PDE4D: variants seen among roughly 807,000 people sequenced by gnomAD.
PDE4D encodes 3',5'-cyclic-AMP phosphodiesterase 4D.
PDE4D carries 24 observed loss-of-function variants against 87.4 expected under a neutral mutation model. The observed-to-expected ratio is 0.27, with a 90% confidence interval of 0.20 to 0.39. The LOEUF is 0.39. Ranked by LOEUF, PDE4D falls within the 10% of genes least tolerant of loss-of-function variation. The pLI, the probability that PDE4D is intolerant of heterozygous loss-of-function variation, is 1.00. For missense variants in PDE4D, 714 were observed against 1,041.0 expected, an observed-to-expected ratio of 0.69 and a Z score of 4.32; for synonymous variants, 384 against 383.2, an observed-to-expected ratio of 1.00 and a Z score of -0.02.
chr5:60,140,675 T>C (rs1233041035), intron 2 of PDE4D, among the ~76,000 whole-genome samples: 3 of 151,958 alleles, frequency 2.0e-5, no homozygotes, highest in Admixed American at 6.6e-5. Context: ...TAACGCATCA[T>C]GAAATTCCAT....
chr5:60,146,121 T>C (rs1307604750), intron 2 of PDE4D, among the ~76,000 whole-genome samples: 1 of 152,066 alleles, frequency 6.6e-6, no homozygotes, highest in Non-Finnish European at 1.5e-5. Context: ...GGCTGAGACA[T>C]GAGAATCGCT....
intron 1 of PDE4D, among the ~76,000 whole-genome samples, chr5:60,296,334 C>G (rs905178236): frequency 2.6e-5 from 4 of 152,124 alleles, no homozygotes; most frequent in Non-Finnish European, 5.9e-5. Flanking sequence ...AGAGATGGCA[C>G]AGAATGACAG....
chr5:59,674,325 C>A (rs1489651092), intron 1 of PDE4D, among the ~76,000 whole-genome samples: 1 of 152,158 alleles, frequency 6.6e-6, no homozygotes, highest in East Asian at 1.9e-4. Context: ...TCTATGAAGA[C>A]AAGGACCATG....
chr5:60,343,653 G>A (rs1451067450), intron 1 of PDE4D, among the ~76,000 whole-genome samples: 1 of 151,812 alleles, frequency 6.6e-6, no homozygotes. Context: ...GGCTGTGTTT[G>A]GCTACAAGAC....
intron 3 of PDE4D, among the ~76,000 whole-genome samples, chr5:59,927,624 C>T (rs1187874589): frequency 1.3e-5 from 2 of 152,142 alleles, no homozygotes; most frequent in Non-Finnish European, 2.9e-5. Context: ...GATTCAAGTG[C>T]TGCTTTCTGA....
At chr5:60,197,160 A>G (rs1291268705) in intron 1 of PDE4D, among the ~76,000 whole-genome samples, 2 of 151,428 alleles carry the variant, frequency 1.3e-5, no homozygotes, top group African/African-American at 4.8e-5. Context: ...GAGAGAAGGA[A>G]AGGTGAGAGT....
chr5:59,411,931 CTT>C (rs1333353511), intron 1 of PDE4D, among the ~76,000 whole-genome samples: 1 of 152,198 alleles, frequency 6.6e-6, no homozygotes, highest in East Asian at 1.9e-4. Context: ...AAATAGCACT[CTT>C]TTCATTAATG....
chr5:59,426,285 C>T lies in PDE4D; in HGVS notation c.456-210317G>A, dbSNP rs535893342. On this transcript the variant is annotated intron_variant, in intron 1 of 14. Coordinates refer to ENST00000340635, the MANE Select transcript of PDE4D (RefSeq NM_001104631.2). Reference sequence around the variant, plus strand: ...TTATGACCGTCCTAACAAATTAATACACCATTTGAGTAAATTAATAGCTTG... The same window carrying T: ...TTATGACCGTCCTAACAAATTAATATACCATTTGAGTAAATTAATAGCTTG... 3.2e-4 allele frequency among the ~76,000 whole-genome samples: 49 copies of T among 152,316 alleles called. 1 individual carries two copies. The Middle Eastern group carries it at 0.034, about 106-fold the overall frequency.
At chr5:60,134,067 T>C (rs1044076816) in intron 2 of PDE4D, among the ~76,000 whole-genome samples, 2 of 152,250 alleles carry the variant, frequency 1.3e-5, no homozygotes, top group Admixed American at 6.5e-5. Context: ...ATATGTGATC[T>C]GCTGGATCTT....
chr5:59,312,214 C>T (rs372339431), intron 1 of PDE4D, among the ~76,000 whole-genome samples: 13 of 152,294 alleles, frequency 8.5e-5, no homozygotes, highest in East Asian at 5.8e-4. Context: ...TCAGATGACC[C>T]CAAAAGGCTC....
At chr5:59,441,342 C>T (rs28666954) in intron 1 of PDE4D, among the ~76,000 whole-genome samples, 40,936 of 152,118 alleles carry the variant, frequency 0.27, 9,096 homozygotes, top group African/African-American at 0.62. Context: ...AGCGATACAC[C>T]TGCCTTGGCC....
At chr5:59,161,265 A>G (rs1351780114) in intron 5 of PDE4D, among the ~76,000 whole-genome samples, 1 of 152,236 alleles carries the variant, frequency 6.6e-6, no homozygotes, top group Non-Finnish European at 1.5e-5. Context: ...GTCAGGCTAC[A>G]GCTTGTTTTT....
intron 1 of PDE4D, among the ~76,000 whole-genome samples, chr5:60,246,897 T>G (rs1454460537): frequency 6.6e-6 from 1 of 152,008 alleles, no homozygotes; most frequent in East Asian, 1.9e-4. Flanking sequence ...TTGTAACAGA[T>G]TCTGCCAGGT....
In PDE4D at chr5:58,989,837, G is replaced by T; in HGVS notation, c.1370C>A (p.Ala457Asp). 6.3e-7 allele frequency: 1 copy of T among 1,596,534 alleles called. No homozygotes were observed. ...GATATTGTTGTGATAGGCCACATCAGCATGGTAATGGTCTTCGAGAGTCAT... is the reference window on the plus strand; with the variant it reads ...GATATTGTTGTGATAGGCCACATCATCATGGTAATGGTCTTCGAGAGTCAT... ...YLMTLEDHYH[A>D]DVAYHNNIHA... Residue 457 changes from alanine (A) to aspartate (D), a missense_variant, in exon 10 of 15, where the codon GCT becomes GAT. Around this residue, in one of 7 missense-constraint regions of PDE4D, gnomAD observed 141 missense variants for 204.3 expected, o/e 0.69. Transcript: ENST00000340635.
At chr5:60,451,327 T>A (rs1170965434) in intron 1 of PDE4D, among the ~76,000 whole-genome samples, 1 of 152,134 alleles carries the variant, frequency 6.6e-6, no homozygotes, top group Non-Finnish European at 1.5e-5. Context: ...AATGATCAAG[T>A]CAGGAAAATT....
chr5:60,042,105 C>T (rs1183029568), intron 2 of PDE4D, among the ~76,000 whole-genome samples: 2 of 152,088 alleles, frequency 1.3e-5, no homozygotes, highest in African/African-American at 2.4e-5. Context: ...ACCTGGGACA[C>T]TTGAGCTTGG....
intron 1 of PDE4D, among the ~76,000 whole-genome samples, chr5:59,551,363 TAAAG>T (rs1428168980): frequency 1.3e-5 from 2 of 150,788 alleles, no homozygotes; most frequent in Admixed American, 1.3e-4. Flanking sequence ...ATATAAGGTT[TAAAG>T]AAAGAATCTA....
At chr5:60,250,534 T>C (rs758163439) in intron 1 of PDE4D, among the ~76,000 whole-genome samples, 1 of 151,972 alleles carries the variant, frequency 6.6e-6, no homozygotes, top group African/African-American at 2.4e-5. Context: ...AGTGGTCCCA[T>C]TAGATTATAA....
At chr5:59,539,739 TCAAAAATAA>T (rs1561159245) in intron 1 of PDE4D, among the ~76,000 whole-genome samples, 6 of 152,084 alleles carry the variant, frequency 3.9e-5, no homozygotes. Flanking sequence ...TCTTAATTTT[TCAAAAATAA>T]CAAAAATAAC....
Sources: allele counts gnomAD v4.1 joint callset (sites outside exome capture counted in the v4.1 genomes callset), GRCh38; gene constraint gnomAD v4.1.1; regional missense constraint gnomAD v4.1.1; transcripts MANE v1.5; gene names NCBI Gene and HGNC (gene_info 2026-07-23, HGNC 2026-07-21).